Variants in TGFB2 observed in about 807,000 individuals in gnomAD.
The protein encoded by TGFB2 is transforming growth factor beta 2.
In TGFB2, 13 loss-of-function variants were observed where a neutral mutation model predicts 42.7. The ratio of observed to expected loss-of-function variants is 0.30; its 90% CI spans 0.20 to 0.48. TGFB2 has a LOEUF of 0.48. Among genes scored for constraint, TGFB2 ranks in the 20% least tolerant of loss-of-function variants. The pLI is 0.99. For missense variants in TGFB2, 390 were observed against 517.5 expected, an observed-to-expected ratio of 0.75 and a Z score of 2.39; for synonymous variants, 193 against 193.6, an observed-to-expected ratio of 1.00 and a Z score of 0.03.
intron 1 of TGFB2, among the ~76,000 whole-genome samples, chr1:218,353,874 A>T (rs1385595163): frequency 6.6e-6 from 1 of 152,214 alleles, no homozygotes; most frequent in African/African-American, 2.4e-5. Context: ...TGGGCAACAG[A>T]GCGTGACCCT....
intron 1 of TGFB2, among the ~76,000 whole-genome samples, chr1:218,348,893 C>T (rs1442522686): frequency 6.6e-6 from 1 of 152,140 alleles, no homozygotes; most frequent in African/African-American, 2.4e-5. Flanking sequence ...GAGCTCTGAT[C>T]CCATTTACTG....
In TGFB2 at chr1:218,441,244, C is replaced by T; in HGVS notation, c.1127C>T (p.Ala376Val). 1 of 1,613,820 alleles carries T rather than the reference C, an allele frequency of 6.2e-7. No homozygotes were observed. The highest frequency in any genetic ancestry group is 8.5e-7 in the Non-Finnish European group (1 of 1,179,914). The change falls in exon 7 of 7, where the codon GCT becomes GTT. Residue 376 changes from alanine to valine, a missense_variant. Transcript: ENST00000366930. The part of the protein sequence containing the change: ...LYNTINPEAS[A>V]SPCCVSQDLE... ...AATACCATAAATCCAGAAGCATCTG[C>T]TTCTCCTTGCTGCGTGTCCCAAGAT...
chr1:218,399,402 C>A (rs1434238765), intron 1 of TGFB2, among the ~76,000 whole-genome samples: 3 of 151,844 alleles, frequency 2.0e-5, no homozygotes, highest in African/African-American at 7.3e-5. Context: ...TAGGTAGCCA[C>A]AAAAATTAAA....
intron 1 of TGFB2, among the ~76,000 whole-genome samples, chr1:218,404,595 A>T (rs566792884): frequency 1.3e-5 from 2 of 152,358 alleles, no homozygotes; most frequent in South Asian, 2.1e-4. Flanking sequence ...TACGTGGGTT[A>T]TACTTTTGTT....
Position 218,441,829 on chromosome 1 carries a change from G to A in TGFB2, c.*467G>A, listed in dbSNP as rs1342352790. On this transcript the variant is annotated 3_prime_UTR_variant, in exon 7 of 7. Transcript: ENST00000366930. ...TTCTTACTCTTAGAGTTAACAGTGA[G>A]TTATTTATTGTGTGTTACTATATAA... The A allele has an allele frequency of 6.5e-6, 1 of 153,410 alleles. No homozygotes were observed. The highest frequency in any genetic ancestry group is 6.5e-5 in the Admixed American group (1 of 15,388). 9.5% of individuals were successfully genotyped at this position (153,410 alleles called of 1,614,324 possible). A position where few individuals can be genotyped will look rare whatever the true frequency, so the allele number is the denominator to read the frequency against.
At chr1:218,417,450 G>C (rs1047334503) in intron 2 of TGFB2, among the ~76,000 whole-genome samples, 4 of 152,228 alleles carry the variant, frequency 2.6e-5, no homozygotes, top group African/African-American at 9.6e-5. Flanking sequence ...TGACTTGGGT[G>C]CTGTTAAAGG....
intron 2 of TGFB2, among the ~76,000 whole-genome samples, chr1:218,419,970 G>T (rs1346064664): frequency 6.6e-6 from 1 of 152,124 alleles, no homozygotes; most frequent in East Asian, 1.9e-4. Context: ...ATAGTCACAT[G>T]CCCTAAATTA....
chr1:218,365,374 G>A (rs1273555050), intron 1 of TGFB2, among the ~76,000 whole-genome samples: 2 of 152,122 alleles, frequency 1.3e-5, no homozygotes, highest in Non-Finnish European at 1.5e-5. Flanking sequence ...TTCTTCGGGC[G>A]GTTTTTCTTC....
intron 1 of TGFB2, among the ~76,000 whole-genome samples, chr1:218,354,995 C>T (rs1297962429): frequency 2.6e-5 from 4 of 152,148 alleles, no homozygotes; most frequent in Non-Finnish European, 2.9e-5. Context: ...CTCTGGCTCC[C>T]GGGTCCAAGC....
At chr1:218,363,818 A>T (rs1175942775) in intron 1 of TGFB2, among the ~76,000 whole-genome samples, 1 of 152,156 alleles carries the variant, frequency 6.6e-6, no homozygotes, top group Non-Finnish European at 1.5e-5. Context: ...TGTTCTTGAC[A>T]CATAGTAGTT....
At chr1:218,415,737 C>T (rs1659257235) in intron 2 of TGFB2, among the ~76,000 whole-genome samples, 1 of 141,964 alleles carries the variant, frequency 7.0e-6, no homozygotes, top group East Asian at 2.2e-4. Flanking sequence ...TGCAGATGAG[C>T]ATATCAGAGT....
chr1:218,348,326 C>T (rs1439186609), intron 1 of TGFB2, among the ~76,000 whole-genome samples: 2 of 152,136 alleles, frequency 1.3e-5, no homozygotes, highest in African/African-American at 4.8e-5. Flanking sequence ...ATAATATAGC[C>T]ATCTTGGTAA....
At chr1:218,390,255 T>C (rs1286821248) in intron 1 of TGFB2, among the ~76,000 whole-genome samples, 1 of 152,156 alleles carries the variant, frequency 6.6e-6, no homozygotes, top group Admixed American at 6.5e-5. Context: ...CCTGAGTTTT[T>C]TTTGCACCTC....
rs905820283 is a variant in TGFB2, at chr1:218,442,643, C to T, written c.*1281C>T. ...CTTTGTGTTTCTTTCATTATTATGA[C>T]ATAAGCTACCTGGGTCCACTTGTCT... is the stretch of plus-strand genomic sequence containing the variant. On this transcript the variant is annotated 3_prime_UTR_variant, in exon 7 of 7. Transcript: ENST00000366930. 1.3e-5 allele frequency: 2 copies of T among 151,506 alleles called. No homozygotes were observed. Among genetic ancestry groups the T allele is most frequent in the Non-Finnish European group, 2.9e-5 (2 of 67,910 alleles). 9.4% of individuals were successfully genotyped at this position (151,506 alleles called of 1,614,324 possible). A position where few individuals can be genotyped will look rare whatever the true frequency, so the allele number is the denominator to read the frequency against.
intron 2 of TGFB2, among the ~76,000 whole-genome samples, chr1:218,406,435 G>A (rs760879698): frequency 9.9e-5 from 15 of 152,132 alleles, no homozygotes; most frequent in Non-Finnish European, 1.6e-4. Flanking sequence ...AGAATCTCAG[G>A]CCCCACCCTA....
chr1:218,405,420 A>G (rs1558248632), intron 2 of TGFB2, 88 bp downstream of exon 2: 3 of 1,595,412 alleles, frequency 1.9e-6, no homozygotes, highest in Non-Finnish European at 8.5e-7. Context: ...GCTAGAGTAC[A>G]GTGGCATGAT....
At position 218,377,569 on chromosome 1, in the gene TGFB2, C is replaced by T. The variant is rs1020981167; in HGVS notation, c.347-27600C>T. The stretch of plus-strand genomic sequence containing the variant: ...GCACTATGATTCATTCAATGTAGTC[C>T]TCCTCCCCCTAATGTATTTTACATT... On this transcript the variant is annotated intron_variant, in intron 1 of 6. Coordinates refer to ENST00000366930, the MANE Select transcript of TGFB2 (RefSeq NM_003238.6). Among the ~76,000 whole-genome samples, 6 of 152,266 alleles carry T rather than the reference C, an allele frequency of 3.9e-5. No individual in the cohort carries two copies. The South Asian group carries it at 8.3e-4, about 21-fold the overall frequency.
intron 1 of TGFB2, among the ~76,000 whole-genome samples, chr1:218,375,859 C>G (rs1199885401): frequency 6.6e-6 from 1 of 152,142 alleles, no homozygotes; most frequent in African/African-American, 2.4e-5. Context: ...AACAAACCAC[C>G]ATGGCACGTT....
intron 2 of TGFB2, among the ~76,000 whole-genome samples, chr1:218,417,095 T>C (rs908926176): frequency 6.6e-6 from 1 of 152,162 alleles, no homozygotes; most frequent in Non-Finnish European, 1.5e-5. Context: ...ACCCAAAATG[T>C]GGAAGCAACT....
Sources: gnomAD v4.1 joint callset for allele counts (sites outside exome capture counted in the v4.1 genomes callset) on GRCh38, gnomAD v4.1.1 for gene constraint, MANE v1.5 for transcripts, NCBI Gene and HGNC (gene_info 2026-07-23, HGNC 2026-07-21) for gene names.